The following RBFOX1 variants were observed in gnomAD, a reference collection of about 807,000 sequenced individuals.
The protein encoded by RBFOX1 is RNA binding fox-1 homolog 1, also known as RNA binding protein fox-1 homolog 1.
A neutral mutation model predicts 57.7 loss-of-function variants in RBFOX1; 8 were observed. That is an observed-to-expected ratio of 0.14 (90% confidence interval 0.08 to 0.25). The LOEUF (loss-of-function observed/expected upper bound fraction) is 0.25. Ranked by LOEUF, RBFOX1 falls within the 10% of genes least tolerant of loss-of-function variation. The pLI, the probability that RBFOX1 is intolerant of heterozygous loss-of-function variation, is 1.00. For synonymous variants in RBFOX1, 326 were observed against 222.4 expected, an observed-to-expected ratio of 1.47 and a Z score of -4.15; for missense variants, 611 against 548.5, an observed-to-expected ratio of 1.11 and a Z score of -1.14.
rs573830344 is a variant in RBFOX1 at position 6,565,635 on chromosome 16, T to A, written c.-63-88968T>A. ...GGAGCCTGCTACCACGCCTGGCTAT[T>A]TTTTTGTATTTTTAGTAGAGACGGG... is the stretch of plus-strand genomic sequence containing the variant. On this transcript the variant is annotated intron_variant, in intron 2 of 15. Coordinates refer to ENST00000550418, the MANE Select transcript of RBFOX1 (RefSeq NM_018723.4). 8.8e-4 allele frequency among the ~76,000 whole-genome samples: 132 copies of A among 150,180 alleles called. 5 individuals are homozygous for A. The South Asian group carries it at 0.026, about 30-fold the overall frequency.
intron 3 of RBFOX1, among the ~76,000 whole-genome samples, chr16:6,832,744 C>T (rs374540029): frequency 6.6e-6 from 1 of 152,214 alleles, no homozygotes; most frequent in Non-Finnish European, 1.5e-5. Context: ...TTGCAGCTCT[C>T]TGTAACTGTC....
At chr16:7,486,675 G>A (rs1208635034) in intron 4 of RBFOX1, among the ~76,000 whole-genome samples, 4 of 152,208 alleles carry the variant, frequency 2.6e-5, no homozygotes, top group East Asian at 3.9e-4. Context: ...TATGTGTTAT[G>A]ATCTGGGTGG....
intron 14 of RBFOX1, among the ~76,000 whole-genome samples, chr16:7,686,131 A>T (rs2076011917): frequency 6.6e-6 from 1 of 151,948 alleles, no homozygotes; most frequent in Admixed American, 6.6e-5. Context: ...AGTTCTCAGG[A>T]TATTAGCAGC....
intron 3 of RBFOX1, among the ~76,000 whole-genome samples, chr16:5,779,817 C>G (rs540045872): frequency 6.6e-6 from 1 of 152,186 alleles, no homozygotes; most frequent in African/African-American, 2.4e-5. Flanking sequence ...AGTTCAAACC[C>G]TAGCTCTCCG....
At chr16:7,190,076 C>G (rs964227925) in intron 4 of RBFOX1, among the ~76,000 whole-genome samples, 4 of 152,136 alleles carry the variant, frequency 2.6e-5, no homozygotes, top group Non-Finnish European at 5.9e-5. Flanking sequence ...AAATAAAAAT[C>G]TTGGCCGGGC....
intron 4 of RBFOX1, among the ~76,000 whole-genome samples, chr16:7,137,048 C>G (rs756324119): frequency 2.0e-5 from 3 of 152,206 alleles, no homozygotes; most frequent in Non-Finnish European, 4.4e-5. Flanking sequence ...CTATTTGTAT[C>G]ACCAAACACT....
intron 1 of RBFOX1, among the ~76,000 whole-genome samples, chr16:6,066,799 G>C (rs1045147388): frequency 6.6e-6 from 1 of 152,162 alleles, no homozygotes; most frequent in African/African-American, 2.4e-5. Context: ...GGTTCTCAGA[G>C]TCTCTCTGCT....
At chr16:7,580,285 T>A (rs1184181020) in intron 6 of RBFOX1, among the ~76,000 whole-genome samples, 1 of 152,174 alleles carries the variant, frequency 6.6e-6, no homozygotes, top group African/African-American at 2.4e-5. Context: ...CCTCTTGGTT[T>A]TGCTTTCTTT....
intron 12 of RBFOX1, among the ~76,000 whole-genome samples, chr16:7,654,494 G>T (rs1008328033): frequency 6.6e-6 from 1 of 152,176 alleles, no homozygotes; most frequent in African/African-American, 2.4e-5. Context: ...TTGCAGTTGC[G>T]TTTTCCAAAA....
intron 5 of RBFOX1, among the ~76,000 whole-genome samples, chr16:7,548,312 A>G (rs530496169): frequency 1.3e-5 from 2 of 152,154 alleles, no homozygotes; most frequent in Non-Finnish European, 2.9e-5. Flanking sequence ...GCCTGCCACT[A>G]TGTCCGGCTA....
intron 3 of RBFOX1, among the ~76,000 whole-genome samples, chr16:6,886,694 G>A (rs1196817816): frequency 6.6e-6 from 1 of 151,680 alleles, no homozygotes; most frequent in East Asian, 2.0e-4. Context: ...GGCAGAGGTT[G>A]CACTAAACTG....
chr16:7,369,941 G>C (rs901490050), intron 4 of RBFOX1, among the ~76,000 whole-genome samples: 2 of 152,202 alleles, frequency 1.3e-5, no homozygotes, highest in African/African-American at 4.8e-5. Context: ...TAACGGGCTT[G>C]CTTGAAGCCA....
At chr16:5,990,732 C>G (rs546981129) in intron 4 of RBFOX1, among the ~76,000 whole-genome samples, 1 of 152,202 alleles carries the variant, frequency 6.6e-6, no homozygotes. Context: ...CTTCAGAAGG[C>G]TGAGGCGGGC....
intron 3 of RBFOX1, among the ~76,000 whole-genome samples, chr16:5,636,465 T>A (rs1178228163): frequency 6.6e-6 from 1 of 152,212 alleles, no homozygotes; most frequent in African/African-American, 2.4e-5. Flanking sequence ...TGGATGAGAA[T>A]CTGAAGGACT....
intron 2 of RBFOX1, among the ~76,000 whole-genome samples, chr16:6,552,226 G>A (rs766743738): frequency 1.3e-5 from 2 of 152,130 alleles, no homozygotes; most frequent in African/African-American, 2.4e-5. Flanking sequence ...AATTAGACCA[G>A]TGAATAGAGT....
At chr16:6,533,574 G>T (rs150220540) in intron 2 of RBFOX1, among the ~76,000 whole-genome samples, 1 of 151,836 alleles carries the variant, frequency 6.6e-6, no homozygotes, top group African/African-American at 2.4e-5. Flanking sequence ...GTAACATACA[G>T]AGTCAAGTGA....
At chr16:6,846,842 A>C (rs1009221133) in intron 3 of RBFOX1, among the ~76,000 whole-genome samples, 3 of 151,978 alleles carry the variant, frequency 2.0e-5, no homozygotes, top group African/African-American at 7.3e-5. Flanking sequence ...AGGATCTTGG[A>C]TGGCATGCTC....
chr16:6,489,547 T>C (rs62016829), intron 2 of RBFOX1, among the ~76,000 whole-genome samples: 28,848 of 152,098 alleles, frequency 0.19, 2,754 homozygotes, highest in Middle Eastern at 0.26. Flanking sequence ...TCTGTGTTCC[T>C]AGCCATTTTC....
chr16:6,820,397 C>G (rs913812692), intron 3 of RBFOX1, among the ~76,000 whole-genome samples: 2 of 152,140 alleles, frequency 1.3e-5, no homozygotes, highest in African/African-American at 4.8e-5. Context: ...ACAGTGGCTC[C>G]TATAATCCCA....
Sources: gnomAD v4.1 joint callset for allele counts (sites outside exome capture counted in the v4.1 genomes callset) on GRCh38, gnomAD v4.1.1 for gene constraint, MANE v1.5 for transcripts, NCBI Gene and HGNC (gene_info 2026-07-23, HGNC 2026-07-21) for gene names.